The following CNBD2 variants were observed in gnomAD, a reference collection of about 807,000 sequenced individuals.
The protein encoded by CNBD2 is cyclic nucleotide binding domain containing 2, also known as cyclic nucleotide-binding domain-containing protein 2.
In CNBD2, 64 loss-of-function variants were observed where a neutral mutation model predicts 63.7. The observed-to-expected ratio is 1.00, with a 90% confidence interval of 0.82 to 1.24. The LOEUF (loss-of-function observed/expected upper bound fraction) is 1.24. Among genes scored for constraint, CNBD2 ranks in the 50% most tolerant of loss-of-function variants. The probability of loss-of-function intolerance (pLI) is 0.00; values close to 1 mark genes in which losing one functional copy is unlikely to be tolerated. For missense variants in CNBD2, 691 were observed against 713.5 expected (o/e 0.97, Z 0.36); for synonymous variants, 229 against 255.4 (o/e 0.90, Z 0.99).
At chr20:35,967,438 G>A (rs1417161006), upstream of CNBD2, among the ~76,000 whole-genome samples, 1 of 150,826 alleles carries the variant, frequency 6.6e-6, no homozygotes, top group African/African-American at 2.4e-5. Context: ...TTTTAGTAGG[G>A]ATGGGGTTTC....
At chr20:35,988,228 G>A (rs548905216) in intron 7 of CNBD2, among the ~76,000 whole-genome samples, 35 of 146,630 alleles carry the variant, frequency 2.4e-4, no homozygotes, top group African/African-American at 7.8e-4. Flanking sequence ...GTGCAGTGAC[G>A]AGATCTTGGC....
At chr20:35,979,455 G>A (rs2056566626) in intron 3 of CNBD2, among the ~76,000 whole-genome samples, 1 of 152,198 alleles carries the variant, frequency 6.6e-6, no homozygotes, top group South Asian at 2.1e-4. Flanking sequence ...ACAAGGTCTT[G>A]CTATGTTGCC....
rs373220798 is a variant in CNBD2 at position 36,030,619 on chromosome 20, C to T, written c.1702C>T (p.Arg568Trp). Reference protein sequence around the residue: ...LRIVQAIKAPRYKIRELLA With the variant: ...LRIVQAIKAPWYKIRELLA ...GATTGTCCAAGCCATCAAAGCACCT[C>T]GGTACAAAATCCGAGAACTCTTGGC... is the stretch of plus-strand genomic sequence containing the variant. The change falls in exon 12 of 12, where the codon CGG (arginine) becomes TGG (tryptophan). Residue 568 changes from arginine (R) to tryptophan (W), a missense_variant. Coordinates refer to ENST00000373973, the MANE Select transcript of CNBD2 (RefSeq NM_001365709.1). 2.1e-5 allele frequency: 34 copies of T among 1,614,050 alleles called. No homozygotes were observed. Among genetic ancestry groups the T allele is most frequent in the African/African-American group, 1.1e-4 (8 of 74,892 alleles).
chr20:35,988,821 A>C (rs1376096053), intron 7 of CNBD2, among the ~76,000 whole-genome samples: 1 of 152,030 alleles, frequency 6.6e-6, no homozygotes, highest in Non-Finnish European at 1.5e-5. Flanking sequence ...CCAGCCTTGC[A>C]TGTCATTTTT....
chr20:35,984,156 A>G lies in CNBD2; in HGVS notation c.564+18A>G, dbSNP rs1238561339. The G allele has an allele frequency of 1.3e-6, 2 of 1,578,698 alleles. No individual in the cohort carries two copies. Among genetic ancestry groups the G allele is most frequent in the African/African-American group, 1.3e-5 (1 of 74,102 alleles). The stretch of plus-strand genomic sequence containing the variant: ...GTTTTGGGGTAAGCCCAGGGGAAGG[A>G]CCCAGTTTCCTGGGGTGGAGTGGGT... On this transcript the variant is annotated intron_variant, in intron 5 of 11. Coordinates refer to ENST00000373973, the MANE Select transcript of CNBD2 (RefSeq NM_001365709.1).
chr20:35,961,091 G>A (rs1190655712), intron 2 of CNBD2, among the ~76,000 whole-genome samples: 5 of 151,942 alleles, frequency 3.3e-5, no homozygotes, highest in Non-Finnish European at 7.4e-5. Flanking sequence ...CACCACACCC[G>A]GTTAATTTTT....
At position 35,983,320 on chromosome 20, in the gene CNBD2, G is replaced by T. The variant is rs535870841; in HGVS notation, c.408-662G>T. On this transcript the variant is annotated intron_variant, in intron 4 of 11. Coordinates refer to ENST00000373973, the MANE Select transcript of CNBD2 (RefSeq NM_001365709.1). ...TATTTATTTAACTTATTGAATGAAT[G>T]AAGGAAAAGAATAAATATCGAAAGA... is the stretch of plus-strand genomic sequence containing the variant. 1.1e-4 allele frequency among the ~76,000 whole-genome samples: 16 copies of T among 152,152 alleles called. No homozygotes were observed. The East Asian group carries it at 3.1e-3, about 30-fold the overall frequency.
At chr20:36,012,125 C>A (rs545292517) in intron 10 of CNBD2, among the ~76,000 whole-genome samples, 47 of 152,046 alleles carry the variant, frequency 3.1e-4, no homozygotes, top group Middle Eastern at 3.4e-3. Context: ...CATGGTGAAA[C>A]CCCATCTCTA....
intron 6 of CNBD2, 86 bp downstream of exon 6, chr20:35,984,864 A>C: frequency 7.3e-7 from 1 of 1,376,002 alleles, no homozygotes; most frequent in Non-Finnish European, 1.0e-6. Context: ...GGTGGGAAAC[A>C]TACTGGTTGC....
chr20:36,021,426 AAAGAAAG>A (rs750185039), intron 10 of CNBD2, among the ~76,000 whole-genome samples: 7 of 152,234 alleles, frequency 4.6e-5, no homozygotes, highest in Non-Finnish European at 1.0e-4. Context: ...GAGGGAACGA[AAAGAAAG>A]AATATGCATG....
At chr20:35,954,535 C>T (rs1264611630), upstream of CNBD2, 11 of 1,514,438 alleles carry the variant, frequency 7.3e-6, no homozygotes, top group Non-Finnish European at 9.8e-6. Context: ...CCGGAAGCCG[C>T]TTGCGGGCTC....
intron 8 of CNBD2, among the ~76,000 whole-genome samples, chr20:36,002,169 CG>C (rs1356072979): frequency 6.6e-6 from 1 of 152,212 alleles, no homozygotes; most frequent in Non-Finnish European, 1.5e-5. Context: ...CCAAGGCTGG[CG>C]GATCACTCGC....
chr20:35,975,986 A>G lies in CNBD2; in HGVS notation c.227A>G (p.Asp76Gly), dbSNP rs993534222. 5.0e-6 allele frequency: 8 copies of G among 1,612,790 alleles called. No individual in the cohort carries two copies. The highest frequency in any genetic ancestry group is 6.8e-6 in the Non-Finnish European group (8 of 1,179,094). The change falls in exon 3 of 12, where the codon GAC becomes GGC. Residue 76 changes from aspartate (D) to glycine (G), a missense_variant. Transcript: ENST00000373973. Reference protein sequence around the residue: ...MQSRVTFDTMDFIAEEGHFPP... With the variant: ...MQSRVTFDTMGFIAEEGHFPP... ...AGCCGAGTCACATTTGATACCATGG[A>G]CTTCATTGCAGAGGAGGTATGCATA...
At chr20:35,994,731 A>T (rs1013090210) in intron 7 of CNBD2, among the ~76,000 whole-genome samples, 1 of 151,922 alleles carries the variant, frequency 6.6e-6, no homozygotes, top group African/African-American at 2.4e-5. Flanking sequence ...TCTACTAAAA[A>T]TACAAAAATT....
At chr20:35,967,343 G>A (rs746556239), upstream of CNBD2, among the ~76,000 whole-genome samples, 13 of 143,686 alleles carry the variant, frequency 9.0e-5, no homozygotes, top group Non-Finnish European at 1.3e-4. Context: ...TCTGCCTCCC[G>A]GGTTCAAGTG....
At chr20:35,965,511 C>T (rs1156265451), upstream of CNBD2, among the ~76,000 whole-genome samples, 1 of 152,202 alleles carries the variant, frequency 6.6e-6, no homozygotes, top group South Asian at 2.1e-4. Context: ...GGAATTGAAT[C>T]GAACTCCATT....
Position 35,972,786 on chromosome 20 carries a change from A to C in CNBD2, c.189+20A>C. 2 of 1,613,048 alleles carry C rather than the reference A, an allele frequency of 1.2e-6. No individual in the cohort carries two copies. The highest frequency in any genetic ancestry group is 1.7e-6 in the Non-Finnish European group (2 of 1,179,332). On this transcript the variant is annotated intron_variant, in intron 2 of 11. Transcript: ENST00000373973. ...TGGGATGTAAGCAGTTGGGCTCAGCAGGATTATGAGGGCTCAAAGAAGCCC... is the reference window on the plus strand; with the variant it reads ...TGGGATGTAAGCAGTTGGGCTCAGCCGGATTATGAGGGCTCAAAGAAGCCC...
At chr20:35,954,601 C>A, upstream of CNBD2, 1 of 1,392,452 alleles carries the variant, frequency 7.2e-7, no homozygotes, top group African/African-American at 1.4e-5. Context: ...GCTGCCCTCG[C>A]GGTGCGGGAG....
intron 3 of CNBD2, among the ~76,000 whole-genome samples, chr20:35,976,735 A>G (rs1044827969): frequency 7.2e-5 from 11 of 152,190 alleles, no homozygotes; most frequent in African/African-American, 2.7e-4. Context: ...AAATATTAAA[A>G]TCCAATTTAA....
Sources: allele counts gnomAD v4.1 joint callset (sites outside exome capture counted in the v4.1 genomes callset), GRCh38; gene constraint gnomAD v4.1.1; transcripts MANE v1.5; gene names NCBI Gene and HGNC (gene_info 2026-07-23, HGNC 2026-07-21).